Variants in ITSN1 observed in about 807,000 individuals in gnomAD.
ITSN1 encodes the protein intersectin-1.
A neutral mutation model predicts 239.8 loss-of-function variants in ITSN1; 58 were observed. That is an observed-to-expected ratio of 0.24 (90% CI 0.20 to 0.30). ITSN1 has a LOEUF of 0.30. Ranked by LOEUF, ITSN1 falls within the 10% of genes least tolerant of loss-of-function variation. The pLI is 1.00. For synonymous variants in ITSN1, 780 were observed against 770.8 expected (o/e 1.01, Z -0.20); for missense variants, 1,558 against 2,103.3 (o/e 0.74, Z 5.07).
Position 33,823,664 on chromosome 21 carries a change from A to G in ITSN1, c.3183+11A>G. ...CTTAAAGATTCAGAGGTAAACCCAC[A>G]TTAACTGTTTCCTCTCCCTTTCTGT... On this transcript the variant is annotated intron_variant, in intron 25 of 39. Coordinates refer to ENST00000381318, the MANE Select transcript of ITSN1 (RefSeq NM_003024.3). 2 of 1,609,004 alleles carry G rather than the reference A, an allele frequency of 1.2e-6. No homozygotes were observed. The highest frequency in any genetic ancestry group is 1.7e-6 in the Non-Finnish European group (2 of 1,177,408).
intron 20 of ITSN1, among the ~76,000 whole-genome samples, chr21:33,803,827 C>G (rs375851603): frequency 6.6e-6 from 1 of 152,064 alleles, no homozygotes. Flanking sequence ...TCAGACCTCC[C>G]AAATATGTAA....
At chr21:33,884,616 T>C (rs1316173992) in intron 36 of ITSN1, among the ~76,000 whole-genome samples, 1 of 152,168 alleles carries the variant, frequency 6.6e-6, no homozygotes, top group Non-Finnish European at 1.5e-5. Flanking sequence ...CCAAGGCGTT[T>C]TGGTCTTTCG....
chr21:33,690,847 TAAAAAA>T (rs755469647), intron 1 of ITSN1, among the ~76,000 whole-genome samples: 1 of 49,404 alleles, frequency 2.0e-5, no homozygotes, highest in Admixed American at 2.6e-4. Flanking sequence ...ATGTAAAAGT[TAAAAAA>T]AAAAAAAAAA....
chr21:33,771,900 A>G, intron 11 of ITSN1, 161 bp from the exon 12 acceptor site: 1 of 707,394 alleles, frequency 1.4e-6, no homozygotes, highest in South Asian at 2.0e-5. Flanking sequence ...GAGGTTAGGC[A>G]AAGGGGGTTT....
chr21:33,699,785 G>T (rs2091932240), intron 1 of ITSN1, among the ~76,000 whole-genome samples: 1 of 152,214 alleles, frequency 6.6e-6, no homozygotes, highest in Admixed American at 6.5e-5. Context: ...TTTAGAGACA[G>T]TGTCTGACTG....
chr21:33,840,518 G>A (rs577501772), intron 29 of ITSN1, among the ~76,000 whole-genome samples: 1 of 152,034 alleles, frequency 6.6e-6, no homozygotes, highest in Admixed American at 6.6e-5. Context: ...CATGCACGTG[G>A]GTCTGGCTGC....
intron 20 of ITSN1, among the ~76,000 whole-genome samples, chr21:33,810,254 G>A (rs886958144): frequency 6.6e-6 from 1 of 152,208 alleles, no homozygotes; most frequent in Non-Finnish European, 1.5e-5. Flanking sequence ...AAAGCATTTG[G>A]CGTAATAAAT....
intron 9 of ITSN1, among the ~76,000 whole-genome samples, chr21:33,762,347 A>G (rs1569123485): frequency 1.3e-5 from 2 of 150,732 alleles, no homozygotes; most frequent in Non-Finnish European, 3.0e-5. Flanking sequence ...GCTCACCGCA[A>G]CCTCCACCTC....
intron 1 of ITSN1, among the ~76,000 whole-genome samples, chr21:33,694,355 T>C (rs2091696887): frequency 6.6e-6 from 1 of 152,246 alleles, no homozygotes; most frequent in African/African-American, 2.4e-5. Flanking sequence ...ACCTAACTGT[T>C]CCTATGCTAT....
rs753267635 is a variant in ITSN1 at position 33,722,650 on chromosome 21, T to C, written c.184T>C (p.Trp62Arg). The C allele has an allele frequency of 1.9e-6, 3 of 1,564,108 alleles. No individual in the cohort carries two copies. Among genetic ancestry groups the C allele is most frequent in the Non-Finnish European group, 2.6e-6 (3 of 1,162,848 alleles). The stretch of plus-strand genomic sequence containing the variant: ...ACCTCAACCTGTTTTAGCACAGATA[T>C]GGTAAGTTGGAATTTTACATGAAAT... The part of the protein sequence containing the change: ...GLPQPVLAQI[W>R]ALADMNNDGR... Residue 62 changes from tryptophan (W) to arginine (R), a missense_variant and splice_region_variant, in exon 4 of 40, where the codon TGG becomes CGG. Trp to Arg is a moderately radical substitution (Grantham distance 101). Coordinates refer to ENST00000381318, the MANE Select transcript of ITSN1 (RefSeq NM_003024.3).
chr21:33,758,066 C>T lies in ITSN1; in HGVS notation c.724+2669C>T, dbSNP rs190808766. ...TGGCTAATTTTTTTAAAAAAGTTTT[C>T]TTTAGAGGTGGGATCTTTGTTGTCC... is the stretch of plus-strand genomic sequence containing the variant. On this transcript the variant is annotated intron_variant, in intron 8 of 39. Transcript: ENST00000381318. Among the ~76,000 whole-genome samples, 431 of 152,080 alleles carry T rather than the reference C, an allele frequency of 2.8e-3. 5 individuals carry two copies. Among genetic ancestry groups the T allele is most frequent in the Middle Eastern group, 0.027 (8 of 294 alleles).
intron 1 of ITSN1, among the ~76,000 whole-genome samples, chr21:33,692,028 C>G (rs1354401791): frequency 6.6e-6 from 1 of 152,074 alleles, no homozygotes; most frequent in African/African-American, 2.4e-5. Context: ...GATCAAATAT[C>G]AAAGGTGATC....
chr21:33,741,474 GT>G (rs1371149164), intron 5 of ITSN1, among the ~76,000 whole-genome samples: 1 of 152,164 alleles, frequency 6.6e-6, no homozygotes, highest in African/African-American at 2.4e-5. Flanking sequence ...GTGCTTGATA[GT>G]GTGCACGTGA....
chr21:33,865,176 T>A lies in ITSN1; in HGVS notation c.3916T>A (p.Ser1306Thr). The A allele has an allele frequency of 6.2e-7, 1 of 1,613,810 alleles. No homozygotes were observed. Among genetic ancestry groups the A allele is most frequent in the East Asian group, 2.2e-5 (1 of 44,858 alleles). Residue 1306 changes from serine to threonine, a missense_variant, in exon 32 of 40, where the codon TCC becomes ACC. By Grantham distance (58) the Ser-to-Thr change is moderately conservative. Around this residue, in one of 2 missense-constraint regions of ITSN1, gnomAD observed 576 missense variants for 893.3 expected, o/e 0.64. Transcript: ENST00000381318. This position sits in a 1 kb window ranked among gnomAD's most constrained non-coding sequence, Gnocchi z 4.4. ...AGCGCTGAGAGTCCGCAAGAAGATG[T>A]CCGGGGAGAAGATGCCTGTGAAGAT... ...LKALRVRKKM[S>T]GEKMPVKMIG...
intron 20 of ITSN1, among the ~76,000 whole-genome samples, chr21:33,808,463 T>C (rs935557687): frequency 1.3e-5 from 2 of 151,900 alleles, no homozygotes; most frequent in Non-Finnish European, 2.9e-5. Flanking sequence ...TGGGCACCTG[T>C]AATCCCAGCT....
intron 29 of ITSN1, among the ~76,000 whole-genome samples, chr21:33,841,336 T>G (rs763332159): frequency 5.0e-4 from 76 of 152,120 alleles, no homozygotes; most frequent in Admixed American, 1.2e-3. Context: ...AAAACAGCAA[T>G]CTATAATTCA....
At chr21:33,768,748 T>A (rs982459853) in intron 11 of ITSN1, among the ~76,000 whole-genome samples, 1 of 152,202 alleles carries the variant, frequency 6.6e-6, no homozygotes, top group African/African-American at 2.4e-5. Flanking sequence ...TTTGCTGCAT[T>A]TAAGATGCTC....
intron 33 of ITSN1, among the ~76,000 whole-genome samples, chr21:33,871,294 A>C (rs1159094402): frequency 1.3e-5 from 2 of 152,170 alleles, no homozygotes; most frequent in African/African-American, 2.4e-5. Flanking sequence ...GACACTGAGA[A>C]AATGCTGTTA....
chr21:33,643,032 A>G (rs995679194), intron 1 of ITSN1, among the ~76,000 whole-genome samples: 2 of 149,198 alleles, frequency 1.3e-5, no homozygotes, highest in Non-Finnish European at 3.0e-5. Context: ...CCCGCCGCCG[A>G]GCGGGCTCCC....
Sources: gnomAD v4.1 joint callset for allele counts (sites outside exome capture counted in the v4.1 genomes callset) on GRCh38, gnomAD v4.1.1 for gene constraint, gnomAD v4.1.1 regional missense constraint, Gnocchi (gnomAD v3.1) non-coding constraint, MANE v1.5 for transcripts, NCBI Gene and HGNC (gene_info 2026-07-23, HGNC 2026-07-21) for gene names.